Variants in PLIN1 observed in about 807,000 individuals in gnomAD.
PLIN1 encodes the protein perilipin-1.
PLIN1 carries 37 observed loss-of-function variants against 45.8 expected under a neutral mutation model. The ratio of observed to expected loss-of-function variants is 0.81; its 90% CI spans 0.62 to 1.06. The LOEUF (loss-of-function observed/expected upper bound fraction) is 1.06. Ranked by LOEUF, PLIN1 falls within the 50% of genes least tolerant of loss-of-function variation. PLIN1 has a pLI of 0.00. For synonymous variants in PLIN1, 340 were observed against 309.2 expected, an observed-to-expected ratio of 1.10 and a Z score of -1.05; for missense variants, 776 against 716.5, an observed-to-expected ratio of 1.08 and a Z score of -0.95.
At position 89,670,157 on chromosome 15, in the gene PLIN1, T is replaced by C; in HGVS notation, c.421A>G (p.Lys141Glu). 1 of 1,614,110 alleles carries C rather than the reference T, an allele frequency of 6.2e-7. No individual in the cohort carries two copies. The highest frequency in any genetic ancestry group is 8.5e-7 in the Non-Finnish European group (1 of 1,180,002). Reference protein sequence around the residue: ...ISVPIASTSDKVLGAALAGCE... With the variant: ...ISVPIASTSDEVLGAALAGCE... ...CCGGCCAAAGCGGCCCCCAGGACCT[T>C]GTCTGAAGTGCTCGCGATGGGAACG... The change falls in exon 5 of 9, where the codon AAG becomes GAG. Residue 141 changes from lysine to glutamate, a missense_variant. Coordinates refer to ENST00000300055, the MANE Select transcript of PLIN1 (RefSeq NM_002666.5).
chr15:89,669,391 G>C (rs1964399298), intron 6 of PLIN1, 109 bp downstream of exon 6: 1 of 981,112 alleles, frequency 1.0e-6, no homozygotes, highest in Non-Finnish European at 1.6e-6. Flanking sequence ...CGTTGGAAGA[G>C]AGAATGTTCT....
intron 8 of PLIN1, 24 bp from the exon 9 acceptor site, chr15:89,665,966 G>C (rs760423395): frequency 6.8e-7 from 1 of 1,471,468 alleles, no homozygotes; most frequent in South Asian, 1.3e-5. Flanking sequence ...AGCCGCCTTA[G>C]AGTCCTGGCT....
At chr15:89,671,122 G>T (rs1964432840) in intron 4 of PLIN1, among the ~76,000 whole-genome samples, 5 of 152,218 alleles carry the variant, frequency 3.3e-5, no homozygotes, top group Admixed American at 2.6e-4. Flanking sequence ...CCTGGGATCT[G>T]AATGAGTGTG....
chr15:89,674,242 G>A (rs1326782104), intron 2 of PLIN1, among the ~76,000 whole-genome samples: 1 of 152,116 alleles, frequency 6.6e-6, no homozygotes, highest in Non-Finnish European at 1.5e-5. Context: ...TGGTCGACTT[G>A]TATTTGTTTT....
Position 89,669,550 on chromosome 15 carries a change from G to C in PLIN1, c.721C>G (p.Leu241Val), listed in dbSNP as rs1302200510. 1 of 1,613,730 alleles carries C rather than the reference G, an allele frequency of 6.2e-7. No homozygotes were observed. The highest frequency in any genetic ancestry group is 8.5e-7 in the Non-Finnish European group (1 of 1,179,924). Reference protein sequence around the residue: ...RYTVQTMARALEQGHTVAMWI... With the variant: ...RYTVQTMARAVEQGHTVAMWI... The stretch of plus-strand genomic sequence containing the variant: ...ATGGCCACGGTGTGGCCCTGCTCCA[G>C]GGCCCGGGCCATGGTCTGCACGGTG... Residue 241 changes from leucine to valine, a missense_variant, in exon 6 of 9, where the codon CTG becomes GTG. By Grantham distance (32) the Leu-to-Val change is conservative. Transcript: ENST00000300055.
chr15:89,669,845 T>C (rs956484366), intron 5 of PLIN1, 135 bp downstream of exon 5: 1 of 974,354 alleles, frequency 1.0e-6, no homozygotes, highest in Middle Eastern at 2.9e-4. Flanking sequence ...GGGGGGTAAA[T>C]GATTATGAAT....
At chr15:89,668,217 A>G (rs1964384776) in intron 6 of PLIN1, among the ~76,000 whole-genome samples, 1 of 152,208 alleles carries the variant, frequency 6.6e-6, no homozygotes, top group Admixed American at 6.5e-5. Context: ...GTTAAATATG[A>G]TGGTGTAAGT....
In PLIN1 at chr15:89,665,815, G is replaced by A; in HGVS notation, c.1337C>T (p.Ala446Val). 1.5e-6 allele frequency: 2 copies of A among 1,378,610 alleles called. No homozygotes were observed. The highest frequency in any genetic ancestry group is 1.9e-6 in the Non-Finnish European group (2 of 1,064,588). 85.4% of individuals were successfully genotyped at this position (1,378,610 alleles called of 1,614,324 possible). The change falls in exon 9 of 9, where the codon GCC (alanine) becomes GTC (valine). Residue 446 changes from alanine (A) to valine (V), a missense_variant. Ala to Val is a moderately conservative substitution (Grantham distance 64, BLOSUM62 0). Transcript: ENST00000300055. Reference sequence around the variant, plus strand: ...GCGGCGGGGCTGTGCGAGACGCGGGGCGGGCTCCGGGCCGGCGGACGGCGC... The same window carrying A: ...GCGGCGGGGCTGTGCGAGACGCGGGACGGGCTCCGGGCCGGCGGACGGCGC... ...SGAPSAGPEP[A>V]PRLAQPRRSL...
intron 2 of PLIN1, among the ~76,000 whole-genome samples, chr15:89,676,259 TG>T (rs1271607218): frequency 6.6e-6 from 1 of 152,260 alleles, no homozygotes; most frequent in East Asian, 1.9e-4. Flanking sequence ...TTTGTTTGTT[TG>T]TTTTTTTGAG....
chr15:89,667,223 C>G, intron 7 of PLIN1, 42 bp from the exon 8 acceptor site: 1 of 1,609,100 alleles, frequency 6.2e-7, no homozygotes, highest in Non-Finnish European at 8.5e-7. Flanking sequence ...TGGTAACTCC[C>G]CTGACCCTTC....
rs773150803 is a variant in PLIN1, at chr15:89,667,683, A to T, written c.882T>A (p.Asp294Glu). 3 of 1,601,784 alleles carry T rather than the reference A, an allele frequency of 1.9e-6. No homozygotes were observed. The East Asian group carries it at 6.8e-5, about 36-fold the overall frequency. The change falls in exon 7 of 9, where the codon GAT becomes GAA. Residue 294 changes from aspartate to glutamate, a missense_variant. Transcript: ENST00000300055. ...CCTCCGTGTCTGTCTGGTCCTCATG[A>T]TCCTCCTCCTGGGCGGCTGCGAGGC... Reference protein sequence around the residue: ...LHSLAAAQEEDHEDQTDTEGE... With the variant: ...LHSLAAAQEEEHEDQTDTEGE...
intron 3 of PLIN1, among the ~76,000 whole-genome samples, chr15:89,671,971 C>T (rs1373129100): frequency 6.6e-6 from 1 of 152,328 alleles, no homozygotes; most frequent in East Asian, 1.9e-4. Flanking sequence ...ACCGTTCTTT[C>T]CCTCCTTCTC....
At chr15:89,666,800 G>A (rs1964347484) in intron 8 of PLIN1, 136 bp downstream of exon 8, 1 of 949,180 alleles carries the variant, frequency 1.1e-6, no homozygotes, top group South Asian at 1.4e-5. Flanking sequence ...CCAGGGCACT[G>A]AGGACTGGAG....
chr15:89,665,477 C>G lies in PLIN1; in HGVS notation c.*106G>C, dbSNP rs1964317182. On this transcript the variant is annotated 3_prime_UTR_variant, in exon 9 of 9. Transcript: ENST00000300055. ...GCATCATCAGGATGAGGCTGAGCTC[C>G]CCAGGGGACCACTTTGAAAGTGGCA... 1 of 1,098,662 alleles carries G rather than the reference C, an allele frequency of 9.1e-7. No homozygotes were observed. Among genetic ancestry groups the G allele is most frequent in the Non-Finnish European group, 1.3e-6 (1 of 781,520 alleles). The allele number at this position is 1,098,662 out of a possible 1,614,324, so 68.1% of individuals were successfully genotyped here. A position where few individuals can be genotyped will look rare whatever the true frequency, so the allele number is the denominator to read the frequency against.
Position 89,673,206 on chromosome 15 carries a change from T to C in PLIN1, c.250+4A>G. 2 of 1,559,112 alleles carry C rather than the reference T, an allele frequency of 1.3e-6. No homozygotes were observed. The highest frequency in any genetic ancestry group is 1.7e-6 in the Non-Finnish European group (2 of 1,151,166). Reference sequence around the variant, plus strand: ...GGCAGCTGCTGAGCGCCGCAAGGACTCACACTGGGTGGACAGCCTGCGGAC... The same window carrying C: ...GGCAGCTGCTGAGCGCCGCAAGGACCCACACTGGGTGGACAGCCTGCGGAC... On this transcript the variant is annotated splice_donor_region_variant and intron_variant, in intron 3 of 8. Transcript: ENST00000300055.
intron 4 of PLIN1, among the ~76,000 whole-genome samples, chr15:89,670,882 A>G (rs193221339): frequency 6.7e-4 from 102 of 152,280 alleles, no homozygotes; most frequent in African/African-American, 2.4e-3. Flanking sequence ...AGCGCTTGAT[A>G]AAGCATAGGT....
intron 1 of PLIN1, 34 bp from the exon 2 acceptor site, chr15:89,677,537 C>G: frequency 6.3e-7 from 1 of 1,595,900 alleles, no homozygotes; most frequent in Non-Finnish European, 8.6e-7. Context: ...CATCAGAAGC[C>G]CTCAGGCTTG....
intron 2 of PLIN1, among the ~76,000 whole-genome samples, chr15:89,676,440 G>T (rs8179055): frequency 0.11 from 16,280 of 152,046 alleles, 1,434 homozygotes; most frequent in African/African-American, 0.24. Flanking sequence ...GTAGAGATGG[G>T]GTTTCACTGT....
chr15:89,677,797 C>T (rs905236949), intron 1 of PLIN1: 16 of 366,318 alleles, frequency 4.4e-5, no homozygotes, highest in Admixed American at 2.0e-4. Context: ...GTTGCCCAGG[C>T]TGGAGTGTAG....
Sources: gnomAD v4.1 joint callset for allele counts (sites outside exome capture counted in the v4.1 genomes callset) on GRCh38, gnomAD v4.1.1 for gene constraint, MANE v1.5 for transcripts, NCBI Gene and HGNC (gene_info 2026-07-23, HGNC 2026-07-21) for gene names.